RMST: variants seen among roughly 807,000 people sequenced by gnomAD.
RMST encodes rhabdomyosarcoma 2 associated transcript, also known as long intergenic non-protein coding RNA 54.
chr12:97,534,884 G>A (rs969112952), intron 11 of RMST, among the ~76,000 whole-genome samples: 5 of 151,588 alleles, frequency 3.3e-5, no homozygotes, highest in Admixed American at 6.6e-5. Flanking sequence ...CAATGGTGTT[G>A]TTTTATTTGT....
chr12:97,554,603 T>C (rs1235727678), intron 11 of RMST, among the ~76,000 whole-genome samples: 2 of 152,152 alleles, frequency 1.3e-5, no homozygotes, highest in African/African-American at 4.8e-5. Flanking sequence ...ATTACTCATA[T>C]CTAACCAATA....
intron 5 of RMST, among the ~76,000 whole-genome samples, chr12:97,483,645 T>C (rs759708790): frequency 1.3e-5 from 2 of 152,324 alleles, no homozygotes; most frequent in African/African-American, 4.8e-5. Context: ...ATGACTTATA[T>C]CTCCTTTGTT....
chr12:97,516,440 C>G (rs1879943660), intron 10 of RMST, among the ~76,000 whole-genome samples: 1 of 152,074 alleles, frequency 6.6e-6, no homozygotes, highest in South Asian at 2.1e-4. Context: ...GTAACATACA[C>G]AGCCAGCAAG....
chr12:97,557,589 C>T (rs778219071), intron 11 of RMST, among the ~76,000 whole-genome samples: 3 of 152,118 alleles, frequency 2.0e-5, no homozygotes, highest in Non-Finnish European at 2.9e-5. Context: ...TGAGATATAT[C>T]GTCTTTGCTT....
chr12:97,509,111 G>T (rs1022604528), intron 10 of RMST, among the ~76,000 whole-genome samples: 6 of 152,120 alleles, frequency 3.9e-5, no homozygotes, highest in African/African-American at 1.2e-4. Context: ...GGAGACCGTT[G>T]TTACTTTGTT....
intron 10 of RMST, among the ~76,000 whole-genome samples, chr12:97,497,549 C>T (rs1223521041): frequency 2.0e-5 from 3 of 152,258 alleles, no homozygotes; most frequent in Non-Finnish European, 4.4e-5. Flanking sequence ...CACTCTAGTG[C>T]ACTAAATGAC....
At chr12:97,533,467 T>C (rs1157371459) in intron 11 of RMST, 26 of 152,020 alleles carry the variant, frequency 1.7e-4, no homozygotes, top group Non-Finnish European at 2.9e-5. Flanking sequence ...TGGCAGTTTC[T>C]GAATATATTC....
intron 11 of RMST, among the ~76,000 whole-genome samples, chr12:97,539,698 A>T (rs1158491105): frequency 6.6e-6 from 1 of 151,656 alleles, no homozygotes; most frequent in Non-Finnish European, 1.5e-5. Context: ...GACACACATG[A>T]GCATTTCTAC....
At chr12:97,530,045 A>C (rs548431283) in intron 10 of RMST, among the ~76,000 whole-genome samples, 4 of 152,096 alleles carry the variant, frequency 2.6e-5, no homozygotes, top group Non-Finnish European at 5.9e-5. Flanking sequence ...AAAGGGATAG[A>C]TGGAGATAAT....
chr12:97,520,736 G>T (rs1880427274), intron 10 of RMST, among the ~76,000 whole-genome samples: 1 of 152,126 alleles, frequency 6.6e-6, no homozygotes, highest in Non-Finnish European at 1.5e-5. Flanking sequence ...GCTTTGTAGG[G>T]CCAGGTTTGC....
intron 10 of RMST, among the ~76,000 whole-genome samples, chr12:97,514,005 C>T (rs1293652135): frequency 6.6e-6 from 1 of 152,124 alleles, no homozygotes; most frequent in African/African-American, 2.4e-5. Flanking sequence ...GATGTTAGCT[C>T]AAGACAGAAC....
At chr12:97,482,927 T>A (rs964053773) in intron 5 of RMST, among the ~76,000 whole-genome samples, 1 of 151,644 alleles carries the variant, frequency 6.6e-6, no homozygotes. Context: ...TTTTCTATTT[T>A]TGAAGTTCCT....
intron 10 of RMST, among the ~76,000 whole-genome samples, chr12:97,500,706 A>G (rs987531502): frequency 6.6e-6 from 1 of 152,188 alleles, no homozygotes; most frequent in Admixed American, 6.5e-5. Context: ...ATTGGGACAC[A>G]GAGTGTTTAA....
chr12:97,495,886 TC>T (rs1227240409), intron 9 of RMST: 1 of 152,146 alleles, frequency 6.6e-6, no homozygotes, highest in Non-Finnish European at 1.5e-5. Context: ...TCTTTCTGGA[TC>T]CATCTCTCTT....
At chr12:97,482,661 T>G (rs530029239) in intron 5 of RMST, among the ~76,000 whole-genome samples, 1 of 144,938 alleles carries the variant, frequency 6.9e-6, no homozygotes, top group Admixed American at 7.0e-5. Context: ...TTTAATAAAT[T>G]TATTTATTTA....
chr12:97,475,599 T>A (rs999554411), intron 5 of RMST, among the ~76,000 whole-genome samples: 1 of 151,348 alleles, frequency 6.6e-6, no homozygotes, highest in Admixed American at 6.6e-5. Flanking sequence ...TTTTTTTTTT[T>A]ACCATTTCCC....
chr12:97,525,186 C>G, intron 10 of RMST, among the ~76,000 whole-genome samples: 1 of 152,086 alleles, frequency 6.6e-6, no homozygotes. Flanking sequence ...GGAAGACATC[C>G]TTTGAGAAAG....
chr12:97,500,211 C>T (rs1359112343), intron 10 of RMST, among the ~76,000 whole-genome samples: 3 of 152,254 alleles, frequency 2.0e-5, no homozygotes, highest in African/African-American at 7.2e-5. Context: ...AGAGAAGAAA[C>T]GTCCGCTGGT....
At chr12:97,466,844 A>G (rs1873251288) in intron 5 of RMST, among the ~76,000 whole-genome samples, 1 of 152,112 alleles carries the variant, frequency 6.6e-6, no homozygotes, top group African/African-American at 2.4e-5. Flanking sequence ...GTCTTCATGC[A>G]TTTATCTCAG....
Sources: gnomAD v4.1 joint callset for allele counts (sites outside exome capture counted in the v4.1 genomes callset) on GRCh38, gnomAD v4.1.1 for gene constraint, MANE v1.5 for transcripts, NCBI Gene and HGNC (gene_info 2026-07-23, HGNC 2026-07-21) for gene names.